NDUFAF6: variants seen among roughly 807,000 people sequenced by gnomAD.
The protein encoded by NDUFAF6 is NADH:ubiquinone oxidoreductase complex assembly factor 6, also known as NADH dehydrogenase (ubiquinone) complex I, assembly factor 6.
NDUFAF6 carries 45 observed loss-of-function variants against 40.8 expected under a neutral mutation model. That is an observed-to-expected ratio of 1.10 (90% CI 0.87 to 1.42). The LOEUF is 1.42. Among genes scored for constraint, NDUFAF6 ranks in the 40% most tolerant of loss-of-function variants. The probability of loss-of-function intolerance (pLI) is 0.00; values close to 1 mark genes in which losing one functional copy is unlikely to be tolerated. For synonymous variants in NDUFAF6, 185 were observed against 155.9 expected (o/e 1.19, Z -1.39); for missense variants, 435 against 418.5 (o/e 1.04, Z -0.34).
intron 2 of NDUFAF6, among the ~76,000 whole-genome samples, chr8:95,089,764 C>A (rs1026030136): frequency 6.6e-6 from 1 of 152,194 alleles, no homozygotes; most frequent in Admixed American, 6.5e-5. Flanking sequence ...GTCATCTGCA[C>A]TTGCTCAGCT....
At chr8:95,003,146 A>G (rs1826811438) in intron 2 of NDUFAF6, among the ~76,000 whole-genome samples, 1 of 152,242 alleles carries the variant, frequency 6.6e-6, no homozygotes. Context: ...CAGATCCACA[A>G]TGAATGAAGG....
downstream of NDUFAF6, among the ~76,000 whole-genome samples, chr8:95,060,480 T>C (rs530874891): frequency 2.6e-5 from 4 of 152,358 alleles, no homozygotes; most frequent in East Asian, 7.7e-4. Context: ...TTTCTCTCCT[T>C]GTGGTTGAAG....
chr8:94,927,994 G>C (rs184020969), intron 1 of NDUFAF6: 203 of 152,272 alleles, frequency 1.3e-3, no homozygotes, highest in African/African-American at 4.7e-3. Context: ...GTTGTGGTTG[G>C]CCTTGTGTCT....
chr8:95,060,511 A>G (rs1047998129), downstream of NDUFAF6, among the ~76,000 whole-genome samples: 2 of 152,232 alleles, frequency 1.3e-5, no homozygotes, highest in African/African-American at 2.4e-5. Flanking sequence ...GATGAAATTG[A>G]ATTCTTGAGA....
upstream of NDUFAF6, chr8:95,024,981 G>A (rs773536812): frequency 1.5e-6 from 2 of 1,300,692 alleles, no homozygotes; most frequent in Middle Eastern, 2.8e-4. Flanking sequence ...CGACGGCGGG[G>A]GGTCGAAGGG....
Position 94,939,501 on chromosome 8 carries a change from T to C in NDUFAF6, c.-935-5982T>C, listed in dbSNP as rs1439244783. Among the ~76,000 whole-genome samples the C allele has an allele frequency of 6.6e-5, 10 of 152,312 alleles. No homozygotes were observed. The East Asian group carries it at 1.7e-3, about 26-fold the overall frequency. On this transcript the variant is annotated intron_variant, in intron 1 of 14. Transcript: ENST00000396113. ...AACCTCTGCCTCCTGGTTCAAGCCATCCTCCCACCTCAGCCTCCTGAGTAG... is the reference window on the plus strand; with the variant it reads ...AACCTCTGCCTCCTGGTTCAAGCCACCCTCCCACCTCAGCCTCCTGAGTAG...
chr8:95,067,780 G>T (rs1043008335), intron 9 of NDUFAF6: 4 of 152,116 alleles, frequency 2.6e-5, no homozygotes, highest in Non-Finnish European at 4.4e-5. Context: ...TGGAGGGACT[G>T]CCTTGTTACA....
At chr8:94,986,035 G>A (rs1026458778) in intron 2 of NDUFAF6, among the ~76,000 whole-genome samples, 4 of 151,780 alleles carry the variant, frequency 2.6e-5, no homozygotes, top group Non-Finnish European at 4.4e-5. Flanking sequence ...CACCATGCCC[G>A]GCTAATTTTT....
intron 2 of NDUFAF6, among the ~76,000 whole-genome samples, chr8:94,947,125 G>A (rs1274271692): frequency 6.6e-6 from 1 of 152,122 alleles, no homozygotes; most frequent in Non-Finnish European, 1.5e-5. Context: ...GTTGGTTGGG[G>A]TGGAGTCAGC....
chr8:95,065,885 A>T (rs200872119), intron 9 of NDUFAF6, among the ~76,000 whole-genome samples: 1 of 55,272 alleles, frequency 1.8e-5, no homozygotes, highest in Non-Finnish European at 3.5e-5. Context: ...CCTTTGATTT[A>T]GTTCTTTATA....
chr8:94,960,806 A>G (rs1823500233), intron 1 of NDUFAF6, among the ~76,000 whole-genome samples: 1 of 152,128 alleles, frequency 6.6e-6, no homozygotes, highest in East Asian at 1.9e-4. Flanking sequence ...TGTGGTTTCA[A>G]TTTCTATTTT....
chr8:95,110,354 G>T (rs1161499903), intron 4 of NDUFAF6, among the ~76,000 whole-genome samples: 1 of 152,204 alleles, frequency 6.6e-6, no homozygotes, highest in East Asian at 1.9e-4. Flanking sequence ...GCTCTGTAGG[G>T]TATGGTTCAT....
At chr8:95,080,251 TATTTTTTGTAGTG>T (rs1310900365), downstream of NDUFAF6, among the ~76,000 whole-genome samples, 7 of 151,992 alleles carry the variant, frequency 4.6e-5, no homozygotes, top group Non-Finnish European at 5.9e-5. Context: ...TTTTGTAGTG[TATTTTTTGTAGTG>T]ATTTTTTGTA....
chr8:95,064,264 G>A (rs544827253), intron 9 of NDUFAF6, among the ~76,000 whole-genome samples: 12 of 151,976 alleles, frequency 7.9e-5, no homozygotes, highest in African/African-American at 2.4e-4. Flanking sequence ...ACATAAAGAC[G>A]CTGCCTGCAC....
intron 1 of NDUFAF6, among the ~76,000 whole-genome samples, chr8:94,918,491 T>C (rs964277843): frequency 1.3e-5 from 2 of 152,214 alleles, no homozygotes; most frequent in Non-Finnish European, 2.9e-5. Context: ...TGCAGACTTC[T>C]CTAGAGGCTA....
intron 4 of NDUFAF6, among the ~76,000 whole-genome samples, chr8:95,044,956 T>C (rs978683706): frequency 6.6e-6 from 1 of 152,200 alleles, no homozygotes; most frequent in Admixed American, 6.5e-5. Context: ...TGTTATTTTA[T>C]TGAGCATGGT....
rs1182647003 is a variant in NDUFAF6, at chr8:95,003,643, T to C, written c.-84+22670T>C. ...GTCTGGCTTCACTACCATCTTTCCA[T>C]TGGCGAGTTCTTGCTAAGGAGTTCT... On this transcript the variant is annotated intron_variant, in intron 2 of 9. Transcript: ENST00000396111. 1.3e-4 allele frequency among the ~76,000 whole-genome samples: 20 copies of C among 152,216 alleles called. 1 individual carries two copies. The highest frequency in any genetic ancestry group is 1.3e-3 in the Admixed American group (20 of 15,282).
At chr8:95,066,141 G>A (rs1025212935) in intron 9 of NDUFAF6, among the ~76,000 whole-genome samples, 2 of 151,920 alleles carry the variant, frequency 1.3e-5, no homozygotes, top group South Asian at 4.1e-4. Flanking sequence ...TGAGAAATGG[G>A]GTCTCTGTTA....
At chr8:95,098,943 CA>C (rs1809563461), upstream of NDUFAF6, among the ~76,000 whole-genome samples, 1 of 150,644 alleles carries the variant, frequency 6.6e-6, no homozygotes, top group South Asian at 2.1e-4. Flanking sequence ...AAACAAAAAA[CA>C]AAAAACTGGC....
Sources: gnomAD v4.1 joint callset for allele counts (sites outside exome capture counted in the v4.1 genomes callset) on GRCh38, gnomAD v4.1.1 for gene constraint, MANE v1.5 for transcripts, NCBI Gene and HGNC (gene_info 2026-07-23, HGNC 2026-07-21) for gene names.